The following HLCS variants were observed in gnomAD, a reference collection of about 807,000 sequenced individuals.
HLCS encodes biotin--protein ligase.
In HLCS, 53 loss-of-function variants were observed where a neutral mutation model predicts 75.0. That is an observed-to-expected ratio of 0.71 (90% CI 0.57 to 0.89). The LOEUF (loss-of-function observed/expected upper bound fraction) is 0.89, where lower values mean the gene tolerates loss of function less well. Ranked by LOEUF, HLCS falls within the 40% of genes least tolerant of loss-of-function variation. The pLI, the probability that HLCS is intolerant of heterozygous loss-of-function variation, is 0.00. For synonymous variants in HLCS, 431 were observed against 428.6 expected (o/e 1.01, Z -0.07); for missense variants, 966 against 1,074.0 (o/e 0.90, Z 1.41).
At chr21:36,863,911 C>T (rs2063467071) in intron 6 of HLCS, among the ~76,000 whole-genome samples, 1 of 151,714 alleles carries the variant, frequency 6.6e-6, no homozygotes, top group Non-Finnish European at 1.5e-5. Context: ...AGTAGAATTA[C>T]AAAAAAAACT....
chr21:36,852,837 T>C (rs2063060413), intron 6 of HLCS, among the ~76,000 whole-genome samples: 2 of 152,122 alleles, frequency 1.3e-5, no homozygotes, highest in Non-Finnish European at 2.9e-5. Context: ...AGGACATCAC[T>C]TCCTCATCCC....
chr21:36,820,285 G>C (rs1299785554), intron 6 of HLCS, among the ~76,000 whole-genome samples: 2 of 152,252 alleles, frequency 1.3e-5, no homozygotes, highest in Admixed American at 6.5e-5. Flanking sequence ...GCAGGAACTG[G>C]GAACAGGTGA....
chr21:36,787,021 G>A (rs1457055634), intron 6 of HLCS, among the ~76,000 whole-genome samples: 3 of 152,216 alleles, frequency 2.0e-5, no homozygotes, highest in Non-Finnish European at 4.4e-5. Flanking sequence ...GGAGAATGAA[G>A]CTGGCCTTCA....
At chr21:36,787,717 A>C (rs956214650) in intron 6 of HLCS, among the ~76,000 whole-genome samples, 1 of 152,170 alleles carries the variant, frequency 6.6e-6, no homozygotes, top group South Asian at 2.1e-4. Flanking sequence ...GACCATGAGG[A>C]TATTCTACAG....
Position 36,896,988 on chromosome 21 carries a change from G to A in HLCS, c.1764C>T (p.Thr588=). 6.2e-7 allele frequency: 1 copy of A among 1,614,088 alleles called. No homozygotes were observed. The highest frequency in any genetic ancestry group is 8.5e-7 in the Non-Finnish European group (1 of 1,179,996). Residue 588 remains threonine, a synonymous_variant, in exon 6 of 11, where the codon ACC becomes ACT. Transcript: ENST00000674895. The part of the protein sequence containing the change: ...EITPSCIPVV[T]NMEAFSSEHF... ...GTTCTGATGAGAAGGCCTCCATGTT[G>A]GTCACCACAGGTATACAAGATGGGG...
At chr21:36,880,110 C>T (rs1057021326) in intron 6 of HLCS, among the ~76,000 whole-genome samples, 9 of 152,122 alleles carry the variant, frequency 5.9e-5, no homozygotes, top group African/African-American at 1.9e-4. Flanking sequence ...ATCCCTCATT[C>T]GTTTCCAATG....
intron 6 of HLCS, among the ~76,000 whole-genome samples, chr21:36,870,504 T>A (rs1468945854): frequency 6.6e-6 from 1 of 152,244 alleles, no homozygotes; most frequent in Non-Finnish European, 1.5e-5. Context: ...AACTAGGTTA[T>A]CAATAAATAG....
At position 36,810,667 on chromosome 21, in the gene HLCS, T is replaced by A. The variant is rs578140827; in HGVS notation, c.1893-43382A>T. Among the ~76,000 whole-genome samples the A allele has an allele frequency of 5.3e-5, 8 of 152,358 alleles. No homozygotes were observed. The South Asian group carries it at 1.0e-3, about 20-fold the overall frequency. On this transcript the variant is annotated intron_variant, in intron 6 of 10. Coordinates refer to ENST00000674895, the MANE Select transcript of HLCS (RefSeq NM_001352514.2). ...AGGGATGGAGGTGGGAGGATCTGTC[T>A]GGTAAGATCTTGATCTGCCATTCTC...
At chr21:36,975,414 C>T (rs1051479880) in intron 1 of HLCS, among the ~76,000 whole-genome samples, 12 of 152,046 alleles carry the variant, frequency 7.9e-5, no homozygotes, top group Non-Finnish European at 1.5e-4. Flanking sequence ...TCCCGGTGCC[C>T]GTCCCCTGTT....
At chr21:36,837,041 G>A (rs2062437292) in intron 6 of HLCS, among the ~76,000 whole-genome samples, 1 of 152,146 alleles carries the variant, frequency 6.6e-6, no homozygotes, top group South Asian at 2.1e-4. Flanking sequence ...AAATTAGCCA[G>A]GCGTGGTGGC....
chr21:36,971,604 A>G (rs2068790915), upstream of HLCS, among the ~76,000 whole-genome samples: 1 of 152,028 alleles, frequency 6.6e-6, no homozygotes, highest in South Asian at 2.1e-4. Flanking sequence ...TGAGGCGGGC[A>G]GATCACCTGA....
chr21:36,799,129 GA>G (rs1302360010), intron 6 of HLCS, among the ~76,000 whole-genome samples: 4 of 152,134 alleles, frequency 2.6e-5, no homozygotes, highest in Non-Finnish European at 5.9e-5. Flanking sequence ...TATTCTCTGA[GA>G]AGCTTAACAG....
intron 6 of HLCS, among the ~76,000 whole-genome samples, chr21:36,774,143 G>A (rs1379385679): frequency 6.6e-6 from 1 of 152,178 alleles, no homozygotes; most frequent in Non-Finnish European, 1.5e-5. Context: ...ACAGTCAGGG[G>A]CAGAAGAGGC....
At chr21:36,814,597 A>G (rs2061606136) in intron 6 of HLCS, among the ~76,000 whole-genome samples, 2 of 152,230 alleles carry the variant, frequency 1.3e-5, no homozygotes, top group South Asian at 4.1e-4. Flanking sequence ...TCCAGGAAGT[A>G]GAGAAAAGGC....
chr21:36,828,799 CACTT>C (rs760273883), intron 6 of HLCS, among the ~76,000 whole-genome samples: 3 of 152,186 alleles, frequency 2.0e-5, no homozygotes, highest in Non-Finnish European at 2.9e-5. Context: ...ACTTTGATCT[CACTT>C]ACTGGAAAAT....
chr21:36,808,161 T>A (rs1489899087), intron 6 of HLCS, among the ~76,000 whole-genome samples: 2 of 152,216 alleles, frequency 1.3e-5, no homozygotes, highest in Non-Finnish European at 2.9e-5. Flanking sequence ...GGTGACTATA[T>A]CATTGTATTT....
At chr21:36,851,429 C>A (rs1057144381) in intron 6 of HLCS, among the ~76,000 whole-genome samples, 2 of 152,048 alleles carry the variant, frequency 1.3e-5, no homozygotes, top group Non-Finnish European at 2.9e-5. Flanking sequence ...AGCCAGACAT[C>A]GAAAGACAAA....
intron 6 of HLCS, among the ~76,000 whole-genome samples, chr21:36,874,883 C>T (rs897660023): frequency 3.9e-5 from 6 of 152,082 alleles, no homozygotes; most frequent in Non-Finnish European, 7.4e-5. Flanking sequence ...CCAGGAAGCA[C>T]CCCCGGTCCC....
rs2089284144 is a variant in HLCS, at chr21:36,749,042, G to C, written c.*5204C>G. Reference sequence around the variant, plus strand: ...CTTGTGAAGGAAAAACATGCTTAAGGGGGTGTAATGAAAATGATGTAGACA... The same window carrying C: ...CTTGTGAAGGAAAAACATGCTTAAGCGGGTGTAATGAAAATGATGTAGACA... On this transcript the variant is annotated 3_prime_UTR_variant, in exon 11 of 11. Coordinates refer to ENST00000674895, the MANE Select transcript of HLCS (RefSeq NM_001352514.2). 6.6e-6 allele frequency: 1 copy of C among 152,604 alleles called. No homozygotes were observed. The highest frequency in any genetic ancestry group is 2.4e-5 in the African/African-American group (1 of 41,446). 9.5% of individuals were successfully genotyped at this position (152,604 alleles called of 1,614,324 possible). A position where few individuals can be genotyped will look rare whatever the true frequency, so the allele number is the denominator to read the frequency against.
Sources: gnomAD v4.1 joint callset for allele counts (sites outside exome capture counted in the v4.1 genomes callset) on GRCh38, gnomAD v4.1.1 for gene constraint, MANE v1.5 for transcripts, NCBI Gene and HGNC (gene_info 2026-07-23, HGNC 2026-07-21) for gene names.